The following ABCB9 variants were observed in gnomAD, a reference collection of about 807,000 sequenced individuals.
ABCB9 encodes ATP binding cassette subfamily B member 9, also known as ABC-type oligopeptide transporter ABCB9.
Under a neutral mutation model 62.0 loss-of-function variants are expected in ABCB9, and 36 were observed. The observed-to-expected ratio is 0.58, with a 90% CI of 0.45 to 0.77. The LOEUF (loss-of-function observed/expected upper bound fraction) is 0.77, where lower values mean the gene tolerates loss of function less well. Among genes scored for constraint, ABCB9 ranks in the 30% least tolerant of loss-of-function variants. ABCB9 has a pLI of 0.00. For missense variants in ABCB9, 943 were observed against 1,054.7 expected, an observed-to-expected ratio of 0.89 and a Z score of 1.47; for synonymous variants, 435 against 461.4, an observed-to-expected ratio of 0.94 and a Z score of 0.73.
chr12:122,950,521 T>C lies in ABCB9; in HGVS notation c.646A>G (p.Ile216Val), dbSNP rs750507872. 2.5e-6 allele frequency: 4 copies of C among 1,613,414 alleles called. No individual in the cohort carries two copies. Among genetic ancestry groups the C allele is most frequent in the Non-Finnish European group, 3.4e-6 (4 of 1,179,998 alleles). ...PYYTGRAIDG[I>V]VIQKSMDQFS... is the part of the protein sequence containing the mutation. Reference sequence around the variant, plus strand: ...TGATCCATGCTTTTCTGGATGACGATGCCATCAATGGCGCGGCCCGTGTAG... The same window carrying C: ...TGATCCATGCTTTTCTGGATGACGACGCCATCAATGGCGCGGCCCGTGTAG... Residue 216 changes from isoleucine (I) to valine (V), a missense_variant, in exon 3 of 12, where the codon ATC becomes GTC. Transcript: ENST00000280560.
downstream of ABCB9, among the ~76,000 whole-genome samples, chr12:122,927,653 G>A (rs914235611): frequency 1.3e-5 from 2 of 152,198 alleles, no homozygotes; most frequent in Admixed American, 6.5e-5. Context: ...GCAGGGATGA[G>A]AAGAGACAGG....
At chr12:122,954,181 A>G (rs1423073683) in intron 2 of ABCB9, among the ~76,000 whole-genome samples, 43 of 151,944 alleles carry the variant, frequency 2.8e-4, no homozygotes. Flanking sequence ...CAAAAAAAAA[A>G]AAAAGGACTC....
upstream of ABCB9, among the ~76,000 whole-genome samples, chr12:122,968,468 C>A (rs1455976804): frequency 6.6e-6 from 1 of 152,186 alleles, no homozygotes; most frequent in Non-Finnish European, 1.5e-5. Flanking sequence ...GATGGGATGA[C>A]TGAACCTTTA....
intron 7 of ABCB9, among the ~76,000 whole-genome samples, chr12:122,941,243 C>T (rs1367326268): frequency 6.6e-6 from 1 of 151,726 alleles, no homozygotes; most frequent in Admixed American, 6.6e-5. Context: ...CAGATGGAAG[C>T]GAAGGAACCG....
intron 5 of ABCB9, chr12:122,946,593 C>T (rs2036057915): frequency 3.6e-6 from 1 of 279,918 alleles, no homozygotes; most frequent in Non-Finnish European, 6.9e-6. Context: ...GCAGGGGATG[C>T]CTTGGACGGT....
At chr12:122,955,612 C>A (rs1461432086) in intron 2 of ABCB9, among the ~76,000 whole-genome samples, 1 of 152,192 alleles carries the variant, frequency 6.6e-6, no homozygotes, top group Non-Finnish European at 1.5e-5. Flanking sequence ...GAACTCCTGG[C>A]CTCAAGTGAT....
At chr12:122,943,150 C>G (rs1241201058) in intron 7 of ABCB9, among the ~76,000 whole-genome samples, 1 of 152,170 alleles carries the variant, frequency 6.6e-6, no homozygotes, top group African/African-American at 2.4e-5. Flanking sequence ...GGTGTAAACA[C>G]CCCAGCTCCC....
chr12:122,920,125 C>A (rs1171937539), downstream of ABCB9, among the ~76,000 whole-genome samples: 1 of 152,072 alleles, frequency 6.6e-6, no homozygotes, highest in Non-Finnish European at 1.5e-5. Context: ...AAGTGGTCCG[C>A]CTGCCTCGGC....
At chr12:122,961,122 G>A (rs570522125) in intron 1 of ABCB9, among the ~76,000 whole-genome samples, 2 of 151,952 alleles carry the variant, frequency 1.3e-5, no homozygotes, top group Admixed American at 6.6e-5. Context: ...AAAAAAGAGG[G>A]GGGTAAATAG....
At chr12:122,958,658 G>C (rs561069739) in intron 2 of ABCB9, among the ~76,000 whole-genome samples, 1 of 152,146 alleles carries the variant, frequency 6.6e-6, no homozygotes. Context: ...GGACAACATA[G>C]TGAGATCCTA....
At chr12:122,935,681 T>C (rs2035424587) in intron 9 of ABCB9, among the ~76,000 whole-genome samples, 3 of 152,144 alleles carry the variant, frequency 2.0e-5, no homozygotes, top group Non-Finnish European at 1.5e-5. Context: ...ATAAGCCAAG[T>C]TCCCTGACCT....
At position 122,946,226 on chromosome 12, in the gene ABCB9, T is replaced by G. The variant is rs1391094731; in HGVS notation, c.1054-4A>C. The G allele has an allele frequency of 6.2e-7, 1 of 1,613,952 alleles. No individual in the cohort carries two copies. Among genetic ancestry groups the G allele is most frequent in the Non-Finnish European group, 8.5e-7 (1 of 1,180,020 alleles). ...TCTGGACCTCTTTGGAGAGCCTCTA[T>G]GGACAGGAGGGGGACAAGAAGGAGA... On this transcript the variant is annotated splice_polypyrimidine_tract_variant and splice_region_variant and intron_variant, in intron 5 of 11. Coordinates refer to ENST00000280560, the MANE Select transcript of ABCB9 (RefSeq NM_019625.4).
chr12:122,923,425 T>C (rs2034802716), intron 11 of ABCB9, among the ~76,000 whole-genome samples: 1 of 152,200 alleles, frequency 6.6e-6, no homozygotes, highest in South Asian at 2.1e-4. Context: ...TAGCTGGGAC[T>C]ACAGGCACCC....
chr12:122,929,046 C>A lies in ABCB9; in HGVS notation c.*865G>T. On this transcript the variant is annotated 3_prime_UTR_variant, in exon 12 of 12. Coordinates refer to ENST00000280560, the MANE Select transcript of ABCB9 (RefSeq NM_019625.4). This position sits in a 1 kb window ranked among gnomAD's most constrained non-coding sequence, Gnocchi z 6.0. ...ACCGGGTTCTCTCAACATGTTGCAA[C>A]CTCTGGCAAAGCCAGATCCTGGGCT... 1.0e-6 allele frequency: 1 copy of A among 985,936 alleles called. No homozygotes were observed. The highest frequency in any genetic ancestry group is 1.2e-6 in the Non-Finnish European group (1 of 829,996). 61.1% of individuals were successfully genotyped at this position (985,936 alleles called of 1,614,324 possible). A position where few individuals can be genotyped will look rare whatever the true frequency, so the allele number is the denominator to read the frequency against.
chr12:122,940,826 G>A lies in ABCB9; in HGVS notation c.1550C>T (p.Pro517Leu), dbSNP rs1290889706. Residue 517 changes from proline to leucine, a missense_variant, in exon 8 of 12, where the codon CCC becomes CTC. Coordinates refer to ENST00000280560, the MANE Select transcript of ABCB9 (RefSeq NM_019625.4). The surrounding 1 kb of genome is among the most constrained non-coding windows in gnomAD (Gnocchi z 4.8). ...ENVTFTYRTR[P>L]HTQVLQNVSF... ...CCTCACCTGCAGGACCTGGGTGTGG[G>A]GCCGAGTGCGGTAGGTGAAGGTCAC... is the stretch of plus-strand genomic sequence containing the variant. The A allele has an allele frequency of 6.3e-7, 1 of 1,596,318 alleles. No individual in the cohort carries two copies. Among genetic ancestry groups the A allele is most frequent in the South Asian group, 1.1e-5 (1 of 89,586 alleles).
chr12:122,929,626 T>C lies in ABCB9; in HGVS notation c.*285A>G, dbSNP rs2035030936. 1.1e-5 allele frequency: 13 copies of C among 1,211,952 alleles called. No individual in the cohort carries two copies. The highest frequency in any genetic ancestry group is 1.3e-5 in the Non-Finnish European group (13 of 974,962). 75.1% of individuals were successfully genotyped at this position (1,211,952 alleles called of 1,614,324 possible). ...GACTGGGGTGCCTCAAACCAAACAG[T>C]AAAAACCCTGGTAAGACCTAGGTTT... On this transcript the variant is annotated 3_prime_UTR_variant, in exon 12 of 12. Coordinates refer to ENST00000280560, the MANE Select transcript of ABCB9 (RefSeq NM_019625.4). The surrounding 1 kb of genome is among the most constrained non-coding windows in gnomAD (Gnocchi z 6.0).
intron 1 of ABCB9, among the ~76,000 whole-genome samples, chr12:122,965,863 C>T (rs905003049): frequency 1.3e-5 from 2 of 152,212 alleles, no homozygotes; most frequent in African/African-American, 4.8e-5. Flanking sequence ...AGGGCTTTGC[C>T]CAGGTCAGCA....
At chr12:122,936,480 T>C (rs2035465482) in intron 9 of ABCB9, among the ~76,000 whole-genome samples, 2 of 152,140 alleles carry the variant, frequency 1.3e-5, no homozygotes, top group South Asian at 4.1e-4. Context: ...AATTTAAAAA[T>C]AGAGGCCAGC....
chr12:122,966,733 C>T (rs992759160), upstream of ABCB9, among the ~76,000 whole-genome samples: 4 of 152,256 alleles, frequency 2.6e-5, no homozygotes, highest in African/African-American at 9.6e-5. Context: ...CTCCACACTG[C>T]GTGCTGGCCT....
Sources: allele counts gnomAD v4.1 joint callset (sites outside exome capture counted in the v4.1 genomes callset), GRCh38; gene constraint gnomAD v4.1.1; non-coding constraint Gnocchi (gnomAD v3.1); transcripts MANE v1.5; gene names NCBI Gene and HGNC (gene_info 2026-07-23, HGNC 2026-07-21).